Variants in SYT16 observed in about 807,000 individuals in gnomAD.
SYT16 encodes synaptotagmin-16.
SYT16 carries 42 observed loss-of-function variants against 61.4 expected under a neutral mutation model. That is an observed-to-expected ratio of 0.68 (90% confidence interval 0.53 to 0.89). The LOEUF (loss-of-function observed/expected upper bound fraction) is 0.89, where lower values mean the gene tolerates loss of function less well. SYT16 is among the 40% of genes least tolerant of loss of function. The probability of loss-of-function intolerance (pLI) is 0.00; values close to 1 mark genes in which losing one functional copy is unlikely to be tolerated. For missense variants in SYT16, 804 were observed against 807.3 expected, an observed-to-expected ratio of 1.00 and a Z score of 0.05; for synonymous variants, 314 against 302.3, an observed-to-expected ratio of 1.04 and a Z score of -0.40.
intron 1 of SYT16, among the ~76,000 whole-genome samples, chr14:61,927,119 T>C (rs2049570664): frequency 6.6e-6 from 1 of 152,208 alleles, no homozygotes. Context: ...GCCCAGCTAT[T>C]GCCTCTGGCT....
intron 1 of SYT16, among the ~76,000 whole-genome samples, chr14:61,827,928 C>G (rs181008183): frequency 6.6e-6 from 1 of 152,292 alleles, no homozygotes; most frequent in African/African-American, 2.4e-5. Flanking sequence ...TGTTGATGTA[C>G]TAATCCTCAG....
rs1370627092 is a variant in SYT16 at position 62,112,349 on chromosome 14, G to C, written c.*11642G>C. ...TTTATGCAGTCTAAACACTATTTCT[G>C]TATTAGATATTTAAATGCATGAGGA... On this transcript the variant is annotated 3_prime_UTR_variant, in exon 8 of 8. Coordinates refer to ENST00000683842, the MANE Select transcript of SYT16 (RefSeq NM_001367656.1). The C allele has an allele frequency of 6.6e-6, 1 of 152,090 alleles. No homozygotes were observed. Among genetic ancestry groups the C allele is most frequent in the South Asian group, 2.1e-4 (1 of 4,830 alleles). The allele number at this position is 152,090 out of a possible 1,614,324, so 9.4% of individuals were successfully genotyped here.
intron 1 of SYT16, among the ~76,000 whole-genome samples, chr14:61,829,539 A>C (rs1393094421): frequency 6.6e-6 from 1 of 152,100 alleles, no homozygotes. Context: ...CTGATAACAC[A>C]AATATTAGAT....
chr14:61,992,655 G>A (rs926377616), intron 2 of SYT16, among the ~76,000 whole-genome samples: 2 of 151,944 alleles, frequency 1.3e-5, no homozygotes, highest in African/African-American at 2.4e-5. Context: ...GTTTTTTTGA[G>A]CACTTCTCCT....
chr14:61,966,873 T>G (rs1232797310), intron 1 of SYT16, among the ~76,000 whole-genome samples: 1 of 152,212 alleles, frequency 6.6e-6, no homozygotes, highest in Admixed American at 6.5e-5. Flanking sequence ...GCCAATGTGT[T>G]GTAACATAGA....
chr14:61,861,431 G>A (rs778732761), intron 1 of SYT16, among the ~76,000 whole-genome samples: 3 of 152,126 alleles, frequency 2.0e-5, no homozygotes, highest in African/African-American at 4.8e-5. Context: ...TTTTGTTTTC[G>A]AGACAGGGTC....
At chr14:61,816,127 G>A (rs978117426) in intron 1 of SYT16, among the ~76,000 whole-genome samples, 1 of 152,190 alleles carries the variant, frequency 6.6e-6, no homozygotes, top group African/African-American at 2.4e-5. Flanking sequence ...GGCTGATCTT[G>A]TGTCATTTTT....
chr14:62,064,346 A>AAAAG (rs1435068975), intron 3 of SYT16, among the ~76,000 whole-genome samples: 2 of 150,336 alleles, frequency 1.3e-5, no homozygotes, highest in African/African-American at 4.9e-5. Flanking sequence ...AAAAAAAAAA[A>AAAAG]AAAAAAAAAA....
chr14:61,890,052 G>A (rs910035094), intron 1 of SYT16, among the ~76,000 whole-genome samples: 2 of 152,134 alleles, frequency 1.3e-5, no homozygotes, highest in South Asian at 2.1e-4. Context: ...CCTTTTATAA[G>A]TCGAGAAAGA....
chr14:61,973,627 A>G (rs2051658433), intron 2 of SYT16, among the ~76,000 whole-genome samples: 1 of 152,158 alleles, frequency 6.6e-6, no homozygotes, highest in African/African-American at 2.4e-5. Flanking sequence ...GGGAGAGAGA[A>G]AGAATATTTC....
chr14:62,007,201 A>T (rs906632520), intron 3 of SYT16, among the ~76,000 whole-genome samples: 2 of 152,178 alleles, frequency 1.3e-5, no homozygotes, highest in African/African-American at 4.8e-5. Context: ...TATCTTTTCT[A>T]CAGGATATAC....
At chr14:61,837,911 A>G (rs2046183765) in intron 1 of SYT16, among the ~76,000 whole-genome samples, 1 of 152,230 alleles carries the variant, frequency 6.6e-6, no homozygotes, top group African/African-American at 2.4e-5. Flanking sequence ...TTTTTGAACT[A>G]ATAGGATTTG....
chr14:62,022,003 G>T (rs1226141548), intron 3 of SYT16, among the ~76,000 whole-genome samples: 16 of 151,114 alleles, frequency 1.1e-4, no homozygotes, highest in Admixed American at 9.9e-4. Flanking sequence ...CTTTCTAATG[G>T]GTTCAATAAA....
At chr14:61,961,644 G>A (rs2051120623) in intron 1 of SYT16, among the ~76,000 whole-genome samples, 1 of 152,128 alleles carries the variant, frequency 6.6e-6, no homozygotes, top group African/African-American at 2.4e-5. Context: ...GTGGAGAAAA[G>A]TGAACACTTA....
intron 7 of SYT16, 37 bp downstream of exon 7, chr14:62,084,422 C>G: frequency 6.3e-7 from 1 of 1,583,420 alleles, no homozygotes; most frequent in Non-Finnish European, 8.5e-7. Context: ...CTGGTTCTTC[C>G]AGAGGCAAGT....
chr14:61,819,765 C>A (rs891639686), intron 1 of SYT16, among the ~76,000 whole-genome samples: 3 of 152,142 alleles, frequency 2.0e-5, no homozygotes, highest in Non-Finnish European at 2.9e-5. Flanking sequence ...AGAGCACAGG[C>A]CTGGTTCCAG....
intron 2 of SYT16, among the ~76,000 whole-genome samples, chr14:61,993,992 A>G (rs1323864851): frequency 6.6e-6 from 1 of 152,162 alleles, no homozygotes; most frequent in Non-Finnish European, 1.5e-5. Context: ...AACCTCATAT[A>G]AAATCAGGTT....
chr14:61,829,917 G>A (rs55914922), intron 1 of SYT16, among the ~76,000 whole-genome samples: 11,113 of 152,164 alleles, frequency 0.073, 510 homozygotes, highest in Non-Finnish European at 0.1. Context: ...GCCTCCCAAA[G>A]TGCTGGGATT....
intron 3 of SYT16, among the ~76,000 whole-genome samples, chr14:62,009,929 T>C (rs1254600877): frequency 6.6e-6 from 1 of 152,200 alleles, no homozygotes. Flanking sequence ...TCCTCAGTCC[T>C]AGGGGTGCTA....
Sources: gnomAD v4.1 joint callset for allele counts (sites outside exome capture counted in the v4.1 genomes callset) on GRCh38, gnomAD v4.1.1 for gene constraint, MANE v1.5 for transcripts, NCBI Gene and HGNC (gene_info 2026-07-23, HGNC 2026-07-21) for gene names.